Variants in GPS1 observed in about 807,000 individuals in gnomAD.
GPS1 encodes COP9 signalosome complex subunit 1.
A neutral mutation model predicts 60.0 loss-of-function variants in GPS1; 11 were observed. The observed-to-expected ratio is 0.18, with a 90% CI of 0.12 to 0.30. The LOEUF (loss-of-function observed/expected upper bound fraction) is 0.30, where lower values mean the gene tolerates loss of function less well. GPS1 is among the 10% of genes least tolerant of loss of function. The probability of loss-of-function intolerance (pLI) is 1.00; values close to 1 mark genes in which losing one functional copy is unlikely to be tolerated. For missense variants in GPS1, 543 were observed against 669.2 expected (o/e 0.81, Z 2.08); for synonymous variants, 343 against 269.8 (o/e 1.27, Z -2.66).
chr17:82,057,186 A>G lies in GPS1; in HGVS notation c.*59A>G. The G allele has an allele frequency of 6.3e-7, 1 of 1,578,440 alleles. No homozygotes were observed. The highest frequency in any genetic ancestry group is 1.8e-5 in the Admixed American group (1 of 56,846). ...CCCTCCCCACCTCCACGGACCTCGGACCTCCAGGCGGCTCAGTGCTGCCTG... is the reference window on the plus strand; with the variant it reads ...CCCTCCCCACCTCCACGGACCTCGGGCCTCCAGGCGGCTCAGTGCTGCCTG... On this transcript the variant is annotated 3_prime_UTR_variant, in exon 13 of 13. Coordinates refer to ENST00000578552, the MANE Select transcript of GPS1 (RefSeq NM_001321092.3).
rs2032898246 is a variant in GPS1 at position 82,056,779 on chromosome 17, T to C, written c.1254+13T>C. The C allele has an allele frequency of 6.2e-7, 1 of 1,600,378 alleles. No homozygotes were observed. Among genetic ancestry groups the C allele is most frequent in the Non-Finnish European group, 8.5e-7 (1 of 1,172,876 alleles). ...CTCACACAGCAAGGTGGCTGTGGGCTGCGGGGCGGTGGGGGCAGCTGGGGG... is the reference window on the plus strand; with the variant it reads ...CTCACACAGCAAGGTGGCTGTGGGCCGCGGGGCGGTGGGGGCAGCTGGGGG... On this transcript the variant is annotated intron_variant, in intron 11 of 12. Coordinates refer to ENST00000578552, the MANE Select transcript of GPS1 (RefSeq NM_001321092.3).
Position 82,052,973 on chromosome 17 carries a change from GTT to G in GPS1, c.34-300_34-299del, listed in dbSNP as rs750815843. The G allele has an allele frequency of 9.0e-3, 2,499 of 278,710 alleles. 19 individuals carry two copies. Among genetic ancestry groups the G allele is most frequent in the Non-Finnish European group, 0.012 (1,772 of 148,338 alleles). The allele number at this position is 278,710 out of a possible 1,614,324, so 17.3% of individuals were successfully genotyped here. The stretch of plus-strand genomic sequence containing the variant: ...AGGGGCCCTCAGAGGCCCCTGTGTA[GTT>G]GGTTGTCCCCTGTCTGCTTTCTGGC... On this transcript the variant is annotated intron_variant, in intron 1 of 12. Coordinates refer to ENST00000578552, the MANE Select transcript of GPS1 (RefSeq NM_001321092.3).
At position 82,054,099 on chromosome 17, in the gene GPS1, G is replaced by A. The variant is rs34809889; in HGVS notation, c.308+50G>A. 0.084 allele frequency: 129,096 copies of A among 1,538,650 alleles called. 5,664 individuals are homozygous for A. Among genetic ancestry groups the A allele is most frequent in the African/African-American group, 0.12 (9,165 of 73,506 alleles). On this transcript the variant is annotated intron_variant, in intron 3 of 12. Transcript: ENST00000578552. ...GAAGCAGAGGCCACCAAGGGAGCGC[G>A]GGTGTCTGGGACTGGGCCCCCTTCC...
chr17:82,056,698 C>T lies in GPS1; in HGVS notation c.1186C>T (p.Leu396=), dbSNP rs1210421012. 2 of 1,594,742 alleles carry T rather than the reference C, an allele frequency of 1.3e-6. No homozygotes were observed. Among genetic ancestry groups the T allele is most frequent in the Non-Finnish European group, 8.6e-7 (1 of 1,169,464 alleles). Residue 396 remains leucine, a synonymous_variant, in exon 11 of 13, where the codon CTG becomes TTG. Transcript: ENST00000578552. ...AGCCTTCAATACCACGGTGGCCGCCCTGGAGGACGAGCTGACGCAGCTAAT... is the reference window on the plus strand; with the variant it reads ...AGCCTTCAATACCACGGTGGCCGCCTTGGAGGACGAGCTGACGCAGCTAAT... ...AAAFNTTVAA[L]EDELTQLILE...
In GPS1 at chr17:82,053,279, C is replaced by T. The variant is rs375488675; in HGVS notation, c.39C>T (p.Ala13=). The change falls in exon 2 of 13, where the codon GCC becomes GCT. Residue 13 remains alanine, a synonymous_variant. Coordinates refer to ENST00000578552, the MANE Select transcript of GPS1 (RefSeq NM_001321092.3). ...GTGCCTGGCCCATGTTGCAGGGGGCCGTGGAGCCCATGCAGATCGACGTGG... is the reference window on the plus strand; with the variant it reads ...GTGCCTGGCCCATGTTGCAGGGGGCTGTGGAGCCCATGCAGATCGACGTGG... ...LPVQVFNLQG[A]VEPMQIDVDP... 4.0e-5 allele frequency: 62 copies of T among 1,542,374 alleles called. No individual in the cohort carries two copies. The highest frequency in any genetic ancestry group is 4.7e-5 in the Non-Finnish European group (54 of 1,153,734).
upstream of GPS1, chr17:82,051,551 C>T: frequency 1.4e-6 from 2 of 1,398,168 alleles, no homozygotes; most frequent in Non-Finnish European, 1.9e-6. This position sits in a 1 kb window ranked among gnomAD's most constrained non-coding sequence, Gnocchi z 4.1. Context: ...GCAGGCGCGG[C>T]CCGTGGTTCT....
In GPS1 at chr17:82,053,935, A is replaced by C. The variant is rs1473638620; in HGVS notation, c.194A>C (p.Asp65Ala). The change falls in exon 3 of 13, where the codon GAT becomes GCT. Residue 65 changes from aspartate (D) to alanine (A), a missense_variant. Transcript: ENST00000578552. Reference sequence around the variant, plus strand: ...ATCGAACGGCTGCAGTTCATTGCTGATCACTGCCCCACGCTGCGGGTGGAG... The same window carrying C: ...ATCGAACGGCTGCAGTTCATTGCTGCTCACTGCCCCACGCTGCGGGTGGAG... ...MRIERLQFIA[D>A]HCPTLRVEAL... 1 of 1,612,940 alleles carries C rather than the reference A, an allele frequency of 6.2e-7. No homozygotes were observed. Among genetic ancestry groups the C allele is most frequent in the Admixed American group, 1.7e-5 (1 of 60,006 alleles).
At chr17:82,055,520 G>C (rs1373059513) in intron 6 of GPS1, 1 of 606,916 alleles carries the variant, frequency 1.6e-6, no homozygotes, top group Admixed American at 2.9e-5. Context: ...GGGCTTCCCT[G>C]CATGCCTGGC....
At chr17:82,055,941 T>C in intron 7 of GPS1, 60 bp from the exon 8 acceptor site, 2 of 1,453,170 alleles carry the variant, frequency 1.4e-6, no homozygotes, top group South Asian at 1.2e-5. Context: ...GAGCGGGTGA[T>C]GGGCAGGCAG....
chr17:82,055,864 G>T (rs771086065), intron 7 of GPS1, 39 bp downstream of exon 7: 40 of 1,519,966 alleles, frequency 2.6e-5, no homozygotes, highest in Non-Finnish European at 3.0e-5. Context: ...CAGAGCATGG[G>T]CTCATGGGTC....
intron 1 of GPS1, chr17:82,052,940 G>A: frequency 7.7e-6 from 2 of 259,948 alleles, no homozygotes; most frequent in Non-Finnish European, 1.5e-5. Flanking sequence ...TGGTGGCTGG[G>A]AACGTGTAGG....
At chr17:82,054,305 C>A (rs1477347368) in intron 3 of GPS1, 1 of 811,100 alleles carries the variant, frequency 1.2e-6, no homozygotes, top group African/African-American at 1.7e-5. Flanking sequence ...TGCTGGTTTC[C>A]CCACCCGGCT....
Position 82,051,909 on chromosome 17 carries a change from CG to C in GPS1, c.-22del. 8.6e-7 allele frequency: 1 copy of C among 1,160,838 alleles called. No homozygotes were observed. The highest frequency in any genetic ancestry group is 1.1e-6 in the Non-Finnish European group (1 of 941,288). 71.9% of individuals were successfully genotyped at this position (1,160,838 alleles called of 1,614,324 possible). Reference sequence around the variant, plus strand: ...TTCGCTGCCCCGGAAGTGGACGGCACGCCGCGGCGGGGTGGGTGCAAGATGC... The same window carrying C: ...TTCGCTGCCCCGGAAGTGGACGGCACCCGCGGCGGGGTGGGTGCAAGATGC... On this transcript the variant is annotated 5_prime_UTR_variant, in exon 1 of 13. Coordinates refer to ENST00000578552, the MANE Select transcript of GPS1 (RefSeq NM_001321092.3). This position sits in a 1 kb window ranked among gnomAD's most constrained non-coding sequence, Gnocchi z 4.1.
chr17:82,051,807 G>A (rs1263928314), upstream of GPS1: 17 of 1,133,140 alleles, frequency 1.5e-5, no homozygotes, highest in Non-Finnish European at 1.5e-5. This position sits in a 1 kb window ranked among gnomAD's most constrained non-coding sequence, Gnocchi z 4.1. Context: ...GGAGAACCTG[G>A]CCGGAGCCGT....
intron 1 of GPS1, chr17:82,052,576 C>T (rs1301639138): frequency 2.4e-6 from 3 of 1,269,464 alleles, no homozygotes; most frequent in Non-Finnish European, 2.1e-6. Flanking sequence ...CAGTGCCAAG[C>T]GCAGGAGGGG....
Position 82,054,888 on chromosome 17 carries a change from C to G in GPS1, c.610-10C>G. Reference sequence around the variant, plus strand: ...GCCCGGGCTCACTTGGCTCTGCGCCCCCCCGCCAGGTCAGCGTCTACTTGC... The same window carrying G: ...GCCCGGGCTCACTTGGCTCTGCGCCGCCCCGCCAGGTCAGCGTCTACTTGC... On this transcript the variant is annotated splice_polypyrimidine_tract_variant and intron_variant, in intron 4 of 12. Transcript: ENST00000578552. 1 of 1,575,042 alleles carries G rather than the reference C, an allele frequency of 6.3e-7. No individual in the cohort carries two copies. The highest frequency in any genetic ancestry group is 1.7e-4 in the Middle Eastern group (1 of 5,900).
In GPS1 at chr17:82,053,995, C is replaced by G. The variant is rs1183121546; in HGVS notation, c.254C>G (p.Thr85Ser). 1 of 1,612,880 alleles carries G rather than the reference C, an allele frequency of 6.2e-7. No homozygotes were observed. The highest frequency in any genetic ancestry group is 1.7e-5 in the Admixed American group (1 of 59,976). ...LKMALSFVQR[T>S]FNVDMYEEIH... ...ATGGCCCTCTCCTTCGTGCAGAGAA[C>G]CTTTAACGTGGACATGTACGAGGAG... The change falls in exon 3 of 13, where the codon ACC becomes AGC. Residue 85 changes from threonine to serine, a missense_variant. Transcript: ENST00000578552.
chr17:82,053,564 T>C (rs982020223), intron 2 of GPS1, 198 bp downstream of exon 2: 29 of 517,886 alleles, frequency 5.6e-5, no homozygotes, highest in Non-Finnish European at 8.3e-5. Flanking sequence ...ATGCTGCTCA[T>C]GGAGAAGCCA....
At position 82,055,233 on chromosome 17, in the gene GPS1, G is replaced by C; in HGVS notation, c.748+11G>C. On this transcript the variant is annotated intron_variant, in intron 6 of 12. Coordinates refer to ENST00000578552, the MANE Select transcript of GPS1 (RefSeq NM_001321092.3). Reference sequence around the variant, plus strand: ...TCAAGTGTGCCGCAGGTGAGGGCCTGGGTCACGCCCAGCTGACCCCACGTT... The same window carrying C: ...TCAAGTGTGCCGCAGGTGAGGGCCTCGGTCACGCCCAGCTGACCCCACGTT... 6.4e-7 allele frequency: 1 copy of C among 1,551,640 alleles called. No homozygotes were observed. The highest frequency in any genetic ancestry group is 8.7e-7 in the Non-Finnish European group (1 of 1,147,548).
Sources: gnomAD v4.1 joint callset for allele counts on GRCh38, gnomAD v4.1.1 for gene constraint, Gnocchi (gnomAD v3.1) non-coding constraint, MANE v1.5 for transcripts, NCBI Gene and HGNC (gene_info 2026-07-23, HGNC 2026-07-21) for gene names.